PHF19: variants seen among roughly 807,000 people sequenced by gnomAD.
PHF19 encodes polycomb like 3.
PHF19 carries 21 observed loss-of-function variants against 79.8 expected under a neutral mutation model. The ratio of observed to expected loss-of-function variants is 0.26; its 90% CI spans 0.19 to 0.38. The LOEUF (loss-of-function observed/expected upper bound fraction) is 0.38, where lower values mean the gene tolerates loss of function less well. Among genes scored for constraint, PHF19 ranks in the 10% least tolerant of loss-of-function variants. The probability of loss-of-function intolerance (pLI) is 1.00; values close to 1 mark genes in which losing one functional copy is unlikely to be tolerated. For missense variants in PHF19, 445 were observed against 744.2 expected (o/e 0.60, Z 4.68); for synonymous variants, 273 against 296.3 (o/e 0.92, Z 0.81).
At chr9:120,871,924 G>A (rs2045907255) in intron 3 of PHF19, among the ~76,000 whole-genome samples, 1 of 149,960 alleles carries the variant, frequency 6.7e-6, no homozygotes, top group Non-Finnish European at 1.5e-5. Flanking sequence ...TGTAGTCCCA[G>A]CTACTCAGGA....
At chr9:120,881,165 T>G (rs1415595538), upstream of PHF19, among the ~76,000 whole-genome samples, 1 of 150,540 alleles carries the variant, frequency 6.6e-6, no homozygotes, top group East Asian at 2.0e-4. Flanking sequence ...TTTTTTTTTT[T>G]TTGAGAGAGT....
At position 120,889,507 on chromosome 9, in the gene PHF19, G is replaced by A. The variant is rs533249716; in HGVS notation, c.42+5281C>T. Among the ~76,000 whole-genome samples the A allele has an allele frequency of 1.1e-4, 16 of 151,478 alleles. No homozygotes were observed. The South Asian group carries it at 1.3e-3, about 12-fold the overall frequency. ...ATTCCAGCACAGGAATTGGGAAGCC[G>A]AGGTAGGAAGATCCTTTGAGCCTGG... On this transcript the variant is annotated intron_variant, in intron 1 of 14. Coordinates refer to the PHF19 transcript ENST00000616568.
At chr9:120,889,139 C>A (rs1170047402) in intron 1 of PHF19, among the ~76,000 whole-genome samples, 1 of 152,134 alleles carries the variant, frequency 6.6e-6, no homozygotes, top group East Asian at 1.9e-4. Context: ...AGGCCAATAA[C>A]AGATGAGGCC....
intron 14 of PHF19, among the ~76,000 whole-genome samples, chr9:120,859,869 C>T (rs981758665): frequency 6.6e-6 from 1 of 152,342 alleles, no homozygotes; most frequent in Middle Eastern, 3.4e-3. Context: ...AGGGATGGAA[C>T]CACGGGAGGC....
intron 1 of PHF19, among the ~76,000 whole-genome samples, chr9:120,884,093 G>A (rs889206586): frequency 6.6e-6 from 1 of 152,176 alleles, no homozygotes; most frequent in Non-Finnish European, 1.5e-5. Context: ...GTTATATAAA[G>A]ATTTGACCCA....
rs1480936389 is a variant in PHF19, at chr9:120,868,841, G to A, written c.614+341C>T. 4.8e-6 allele frequency: 5 copies of A among 1,036,758 alleles called. No individual in the cohort carries two copies. In the African/African-American group the frequency reaches 7.0e-5, roughly 14 times the overall value. The allele number at this position is 1,036,758 out of a possible 1,614,324, so 64.2% of individuals were successfully genotyped here. ...GGCCCTGCTTGGGCGGTCGCAACCC[G>A]CCAGGCCCGCCTCCCGAGGCCTCGC... On this transcript the variant is annotated intron_variant, in intron 6 of 14. Transcript: ENST00000373896.
Position 120,866,775 on chromosome 9 carries a change from C to G in PHF19, c.710+95G>C. The G allele has an allele frequency of 1.3e-6, 1 of 742,130 alleles. No homozygotes were observed. The highest frequency in any genetic ancestry group is 2.5e-6 in the Non-Finnish European group (1 of 401,654). 46.0% of individuals were successfully genotyped at this position (742,130 alleles called of 1,614,324 possible). On this transcript the variant is annotated intron_variant, in intron 7 of 14. Coordinates refer to ENST00000373896, the MANE Select transcript of PHF19 (RefSeq NM_015651.3). This position sits in a 1 kb window ranked among gnomAD's most constrained non-coding sequence, Gnocchi z 5.2. ...TACATTGTCACAGACCTCCTCTTGT[C>G]TGGAGCCTGGCAGTCAACCTGCAGG...
chr9:120,882,010 T>C (rs766784523), upstream of PHF19, among the ~76,000 whole-genome samples: 1 of 152,270 alleles, frequency 6.6e-6, no homozygotes, highest in Non-Finnish European at 1.5e-5. Context: ...TCCACCAGCC[T>C]TGGCCTTCCA....
intron 14 of PHF19, 81 bp from the exon 15 acceptor site, chr9:120,858,367 C>T: frequency 2.8e-6 from 3 of 1,075,058 alleles, no homozygotes; most frequent in Non-Finnish European, 2.6e-6. Flanking sequence ...GTCCTCCCCT[C>T]AGTACCAGGA....
Position 120,862,518 on chromosome 9 carries a change from CCTTG to C in PHF19, c.1130+66_1130+69del. 4 of 1,437,548 alleles carry C rather than the reference CCTTG, an allele frequency of 2.8e-6. No homozygotes were observed. The East Asian group carries it at 9.1e-5, about 33-fold the overall frequency. 89.0% of individuals were successfully genotyped at this position (1,437,548 alleles called of 1,614,324 possible). ...CTGGGACTGGCTGGGTGCAGGTCCTCCTTGCTTGCTTGGAAGCAGAGAAACCGAG... is the reference window on the plus strand; with the variant it reads ...CTGGGACTGGCTGGGTGCAGGTCCTCCTTGCTTGGAAGCAGAGAAACCGAG... On this transcript the variant is annotated intron_variant, in intron 11 of 14. Transcript: ENST00000373896. The surrounding 1 kb of genome is among the most constrained non-coding windows in gnomAD (Gnocchi z 4.6).
chr9:120,888,754 GGCA>G (rs1436140531), intron 1 of PHF19, among the ~76,000 whole-genome samples: 2 of 152,136 alleles, frequency 1.3e-5, no homozygotes, highest in Non-Finnish European at 2.9e-5. Flanking sequence ...TTGGACAAAG[GGCA>G]GGACCAAGAG....
In PHF19 at chr9:120,869,669, A is replaced by G. The variant is rs1179267469; in HGVS notation, c.465+176T>C. On this transcript the variant is annotated intron_variant, in intron 5 of 14. Coordinates refer to ENST00000373896, the MANE Select transcript of PHF19 (RefSeq NM_015651.3). This position sits in a 1 kb window ranked among gnomAD's most constrained non-coding sequence, Gnocchi z 5.8. Reference sequence around the variant, plus strand: ...CCATCTCCACTTTACAGTTGAGGAAACTGAGGCTCAGGGAGTCTACAAATC... The same window carrying G: ...CCATCTCCACTTTACAGTTGAGGAAGCTGAGGCTCAGGGAGTCTACAAATC... 1 of 1,547,284 alleles carries G rather than the reference A, an allele frequency of 6.5e-7. No individual in the cohort carries two copies. Among genetic ancestry groups the G allele is most frequent in the Non-Finnish European group, 8.7e-7 (1 of 1,143,426 alleles).
At chr9:120,865,314 A>G (rs1037302019) in intron 9 of PHF19, among the ~76,000 whole-genome samples, 4 of 152,216 alleles carry the variant, frequency 2.6e-5, no homozygotes, top group Non-Finnish European at 5.9e-5. Context: ...GACATTCCGA[A>G]AGTCTCCGTT....
chr9:120,893,350 T>C (rs1417877199), intron 1 of PHF19, among the ~76,000 whole-genome samples: 1 of 152,198 alleles, frequency 6.6e-6, no homozygotes, highest in Non-Finnish European at 1.5e-5. Context: ...CCCAGGTCTC[T>C]GCTCCCCTCC....
chr9:120,885,007 G>T (rs1458724756), intron 1 of PHF19, among the ~76,000 whole-genome samples: 2 of 152,082 alleles, frequency 1.3e-5, no homozygotes, highest in Admixed American at 1.3e-4. Flanking sequence ...ATCATTTGAG[G>T]CCAGGAGTTC....
the PHF19 span, among the ~76,000 whole-genome samples, chr9:120,901,694 C>A: frequency 6.6e-6 from 1 of 152,144 alleles, no homozygotes; most frequent in Non-Finnish European, 1.5e-5. Context: ...AGGAGTGCAC[C>A]TTATGGCCAG....
rs1007363378 is a variant in PHF19, at chr9:120,861,096, A to T, written c.1297T>A (p.Leu433Ile). 4 of 1,597,400 alleles carry T rather than the reference A, an allele frequency of 2.5e-6. No individual in the cohort carries two copies. Among genetic ancestry groups the T allele is most frequent in the Non-Finnish European group, 3.4e-6 (4 of 1,164,892 alleles). Residue 433 changes from leucine to isoleucine, a missense_variant, in exon 13 of 15, where the codon TTA (leucine) becomes ATA (isoleucine). Leu to Ile is a conservative substitution (Grantham distance 5). This residue lies in a region of PHF19 where 125 missense variants were observed against 180.5 expected (regional missense o/e 0.69). Transcript: ENST00000373896. ...TAGGTCCCTCACTGATACCTTTTTA[A>T]ACTTTGAATTTCATCCAGCGTGAAG... The part of the protein sequence containing the change: ...FDFTLDEIQS[L>I]KSASSGQTFF...
At chr9:120,897,722 T>C (rs1163931164), upstream of PHF19, among the ~76,000 whole-genome samples, 2 of 152,150 alleles carry the variant, frequency 1.3e-5, no homozygotes, top group Non-Finnish European at 2.9e-5. Flanking sequence ...CTCACACCTG[T>C]AATCCCAGCA....
At chr9:120,895,053 C>T (rs1331687836), upstream of PHF19, among the ~76,000 whole-genome samples, 6 of 152,212 alleles carry the variant, frequency 3.9e-5, no homozygotes, top group South Asian at 6.2e-4. Flanking sequence ...GGACTTTGTT[C>T]TCCAGCTTTG....
Sources: allele counts gnomAD v4.1 joint callset (sites outside exome capture counted in the v4.1 genomes callset), GRCh38; gene constraint gnomAD v4.1.1; regional missense constraint gnomAD v4.1.1; non-coding constraint Gnocchi (gnomAD v3.1); transcripts MANE v1.5; gene names NCBI Gene and HGNC (gene_info 2026-07-23, HGNC 2026-07-21).